TLE2: variants seen among roughly 807,000 people sequenced by gnomAD.
TLE2 encodes the protein TLE family member 2, transcriptional corepressor, also known as transducin-like enhancer protein 2.
TLE2 carries 74 observed loss-of-function variants against 97.2 expected under a neutral mutation model. The ratio of observed to expected loss-of-function variants is 0.76; its 90% CI spans 0.63 to 0.92. The LOEUF is 0.92. Ranked by LOEUF, TLE2 falls within the 40% of genes least tolerant of loss-of-function variation. The pLI is 0.00. For synonymous variants in TLE2, 499 were observed against 432.1 expected, an observed-to-expected ratio of 1.15 and a Z score of -1.92; for missense variants, 1,038 against 1,008.7, an observed-to-expected ratio of 1.03 and a Z score of -0.39.
At chr19:3,003,167 G>A (rs2089402835) in intron 17 of TLE2, among the ~76,000 whole-genome samples, 1 of 152,188 alleles carries the variant, frequency 6.6e-6, no homozygotes, top group African/African-American at 2.4e-5. Flanking sequence ...GAATTACACA[G>A]AACCCTAGGG....
chr19:3,013,298 T>C (rs1599216219), intron 11 of TLE2, among the ~76,000 whole-genome samples: 1 of 152,030 alleles, frequency 6.6e-6, no homozygotes, highest in African/African-American at 2.4e-5. Flanking sequence ...GGTGTGTCTC[T>C]AAGCGCCTCT....
chr19:3,003,297 G>A (rs1321080162), intron 17 of TLE2, among the ~76,000 whole-genome samples: 1 of 152,156 alleles, frequency 6.6e-6, no homozygotes, highest in Non-Finnish European at 1.5e-5. Flanking sequence ...AGCAGATGAT[G>A]GAAGCTGAGG....
intron 11 of TLE2, 57 bp downstream of exon 11, chr19:3,013,612 G>C: frequency 7.6e-7 from 1 of 1,322,300 alleles, no homozygotes; most frequent in Non-Finnish European, 9.7e-7. Flanking sequence ...GGTAGCGTCT[G>C]CTTCGGGGCC....
At chr19:3,031,036 G>A (rs539686463), upstream of TLE2, among the ~76,000 whole-genome samples, 2 of 152,116 alleles carry the variant, frequency 1.3e-5, no homozygotes, top group South Asian at 4.2e-4. Context: ...TGACGTGTCA[G>A]GCATCCTTCC....
chr19:3,042,383 G>A (rs2090111007), intron 1 of TLE2, among the ~76,000 whole-genome samples: 2 of 103,030 alleles, frequency 1.9e-5, no homozygotes, highest in Admixed American at 9.6e-5. Flanking sequence ...GGCCTGGCAG[G>A]CTCCCAGCAA....
intron 11 of TLE2, among the ~76,000 whole-genome samples, chr19:3,012,651 A>G (rs1213502701): frequency 2.0e-5 from 3 of 152,200 alleles, no homozygotes; most frequent in Admixed American, 6.6e-5. Context: ...GAGCCCCCAC[A>G]GAGAGGGAGG....
chr19:3,046,856 T>C (rs1169511764), upstream of TLE2, among the ~76,000 whole-genome samples: 1 of 149,592 alleles, frequency 6.7e-6, no homozygotes, highest in Non-Finnish European at 1.5e-5. Context: ...TCCTCTCTGC[T>C]CCCCTCTGGT....
chr19:3,010,975 A>T lies in TLE2; in HGVS notation c.1012+47T>A, dbSNP rs774580115. ...CCAGCCCCTTTTCCTAGATCTCCCCAGAGACGAGGCCTGCTCCAGACAGGC... is the reference window on the plus strand; with the variant it reads ...CCAGCCCCTTTTCCTAGATCTCCCCTGAGACGAGGCCTGCTCCAGACAGGC... On this transcript the variant is annotated intron_variant, in intron 12 of 19. Coordinates refer to ENST00000262953, the MANE Select transcript of TLE2 (RefSeq NM_003260.5). 3.2e-6 allele frequency: 5 copies of T among 1,573,276 alleles called. No homozygotes were observed. The East Asian group carries it at 1.2e-4, about 37-fold the overall frequency.
At chr19:3,028,249 C>A in intron 3 of TLE2, 70 bp downstream of exon 3, 2 of 1,490,612 alleles carry the variant, frequency 1.3e-6, no homozygotes, top group East Asian at 2.4e-5. Flanking sequence ...CAGGGACCTA[C>A]CCCAGAGTCC....
chr19:3,025,482 C>A, intron 4 of TLE2: 1 of 1,016,818 alleles, frequency 9.8e-7, no homozygotes, highest in Non-Finnish European at 1.2e-6. Context: ...CAGATTCCAG[C>A]CCCGGCTTGG....
At position 3,017,714 on chromosome 19, in the gene TLE2, A is replaced by G. The variant is rs2089742639; in HGVS notation, c.570+126T>C. ...TGATTCTCCTACCTCTGCCTACCAAAGTGCTGGGATCAAAGGCGTGAGCCA... is the reference window on the plus strand; with the variant it reads ...TGATTCTCCTACCTCTGCCTACCAAGGTGCTGGGATCAAAGGCGTGAGCCA... On this transcript the variant is annotated intron_variant, in intron 8 of 19. Transcript: ENST00000262953. 3 of 812,484 alleles carry G rather than the reference A, an allele frequency of 3.7e-6. No homozygotes were observed. In the Admixed American group the frequency reaches 9.2e-5, roughly 25 times the overall value. The allele number at this position is 812,484 out of a possible 1,614,324, so 50.3% of individuals were successfully genotyped here.
rs2089994206 is a variant in TLE2, at chr19:3,029,014, G to A, written c.-110C>T. On this transcript the variant is annotated 5_prime_UTR_variant, in exon 1 of 20. Coordinates refer to ENST00000262953, the MANE Select transcript of TLE2 (RefSeq NM_003260.5). ...GTGGGGAGGCTGCCCGAAGAAAGAG[G>A]GAGGAGGGAGAAGCGGCGCGGGGCA... is the stretch of plus-strand genomic sequence containing the variant. 7 of 1,518,352 alleles carry A rather than the reference G, an allele frequency of 4.6e-6. No individual in the cohort carries two copies. The highest frequency in any genetic ancestry group is 2.5e-4 in the Middle Eastern group (1 of 4,004). The allele number at this position is 1,518,352 out of a possible 1,614,324, so 94.1% of individuals were successfully genotyped here.
chr19:3,019,735 C>T lies in TLE2; in HGVS notation c.333G>A (p.Lys111=). The T allele has an allele frequency of 6.2e-7, 1 of 1,613,060 alleles. No homozygotes were observed. Among genetic ancestry groups the T allele is most frequent in the Non-Finnish European group, 8.5e-7 (1 of 1,179,610 alleles). Residue 111 remains lysine, a synonymous_variant, in exon 6 of 20, where the codon AAG becomes AAA. Transcript: ENST00000262953. This position sits in a 1 kb window ranked among gnomAD's most constrained non-coding sequence, Gnocchi z 5.1. ...QQVLQAVERA[K]QVTVGELNSL... is the part of the protein sequence containing the mutation. The stretch of plus-strand genomic sequence containing the variant: ...TGTTCAGCTCCCCCACGGTGACCTG[C>T]TTGGCGCGTTCTACGGCCTGGAGCA...
intron 15 of TLE2, 186 bp from the exon 16 acceptor site, chr19:3,006,154 C>T (rs1006754550): frequency 2.1e-6 from 2 of 945,858 alleles, no homozygotes; most frequent in Non-Finnish European, 3.4e-6. Flanking sequence ...TGACTATAAG[C>T]TCCATCCTTT....
intron 12 of TLE2, among the ~76,000 whole-genome samples, chr19:3,010,499 T>C (rs1189976079): frequency 3.9e-5 from 6 of 152,112 alleles, no homozygotes; most frequent in Non-Finnish European, 5.9e-5. Flanking sequence ...GCCCTGACTA[T>C]ACAGGGCTGT....
At chr19:3,037,292 A>G (rs944372440) in intron 1 of TLE2, among the ~76,000 whole-genome samples, 1 of 152,186 alleles carries the variant, frequency 6.6e-6, no homozygotes, top group African/African-American at 2.4e-5. Context: ...CTCAAAAACA[A>G]AAACAAAAAC....
In TLE2 at chr19:3,028,698, C is replaced by A; in HGVS notation, c.122+8G>T. ...AACTCCCGCGGCCCCTGGGGCGGCC[C>A]CCCTCACCTGTGGTATTGAGCCTGA... On this transcript the variant is annotated splice_region_variant and intron_variant, in intron 2 of 19. Coordinates refer to ENST00000262953, the MANE Select transcript of TLE2 (RefSeq NM_003260.5). 6.2e-7 allele frequency: 1 copy of A among 1,612,722 alleles called. No individual in the cohort carries two copies. The highest frequency in any genetic ancestry group is 1.3e-5 in the African/African-American group (1 of 75,050).
intron 1 of TLE2, among the ~76,000 whole-genome samples, chr19:3,038,541 C>T (rs1224030768): frequency 6.6e-6 from 1 of 152,246 alleles, no homozygotes; most frequent in Non-Finnish European, 1.5e-5. Flanking sequence ...GTCCTTCTCT[C>T]CCACTCTCCC....
At chr19:3,017,184 C>T (rs2089726279) in intron 8 of TLE2, among the ~76,000 whole-genome samples, 2 of 152,026 alleles carry the variant, frequency 1.3e-5, no homozygotes, top group Admixed American at 1.3e-4. Context: ...GTCGCACAGG[C>T]TGGAGTGCGG....
Sources: allele counts gnomAD v4.1 joint callset (sites outside exome capture counted in the v4.1 genomes callset), GRCh38; gene constraint gnomAD v4.1.1; non-coding constraint Gnocchi (gnomAD v3.1); transcripts MANE v1.5; gene names NCBI Gene and HGNC (gene_info 2026-07-23, HGNC 2026-07-21).